CLASP2: variants seen among roughly 807,000 people sequenced by gnomAD.
CLASP2 encodes the protein cytoplasmic linker associated protein 2, also known as CLIP-associating protein 2.
A neutral mutation model predicts 194.4 loss-of-function variants in CLASP2; 47 were observed. That is an observed-to-expected ratio of 0.24 (90% CI 0.19 to 0.31). The LOEUF is 0.31. CLASP2 is among the 10% of genes least tolerant of loss of function. The probability of loss-of-function intolerance (pLI) is 1.00; values close to 1 mark genes in which losing one functional copy is unlikely to be tolerated. For synonymous variants in CLASP2, 619 were observed against 633.5 expected (o/e 0.98, Z 0.34); for missense variants, 1,445 against 1,823.6 (o/e 0.79, Z 3.78).
At chr3:33,601,255 C>T (rs1044070977) in intron 18 of CLASP2, among the ~76,000 whole-genome samples, 7 of 152,132 alleles carry the variant, frequency 4.6e-5, no homozygotes, top group Admixed American at 2.6e-4. Context: ...CCACCGTGCC[C>T]GGCGATAAGG....
intron 2 of CLASP2, among the ~76,000 whole-genome samples, chr3:33,691,379 C>A (rs1017942635): frequency 4.0e-5 from 6 of 151,770 alleles, no homozygotes; most frequent in Admixed American, 2.6e-4. Context: ...AATGTAATAA[C>A]CAAAACTGAT....
chr3:33,709,454 A>G (rs2092892871), intron 1 of CLASP2, among the ~76,000 whole-genome samples: 1 of 152,166 alleles, frequency 6.6e-6, no homozygotes, highest in Non-Finnish European at 1.5e-5. Context: ...AAGGGTCCTT[A>G]TAAGGGGGAA....
chr3:33,521,313 T>C (rs1463314497), intron 34 of CLASP2, among the ~76,000 whole-genome samples: 1 of 152,172 alleles, frequency 6.6e-6, no homozygotes, highest in Non-Finnish European at 1.5e-5. Flanking sequence ...GATAAAACAC[T>C]TAATTACAAA....
At chr3:33,515,662 C>T (rs1337634616) in intron 36 of CLASP2, among the ~76,000 whole-genome samples, 2 of 151,830 alleles carry the variant, frequency 1.3e-5, no homozygotes, top group Non-Finnish European at 2.9e-5. Flanking sequence ...AAACAAACAA[C>T]CCCCCCAAAA....
At chr3:33,517,329 T>G (rs536516510) in intron 34 of CLASP2, among the ~76,000 whole-genome samples, 155 bp from the exon 35 acceptor site, 64 of 152,220 alleles carry the variant, frequency 4.2e-4, no homozygotes, top group Non-Finnish European at 7.6e-4. Flanking sequence ...TCTTTTCAAT[T>G]TTGTCATTCC....
chr3:33,676,582 C>T (rs2088692008), intron 6 of CLASP2, among the ~76,000 whole-genome samples: 1 of 151,778 alleles, frequency 6.6e-6, no homozygotes, highest in Non-Finnish European at 1.5e-5. Context: ...AAACGTTAGA[C>T]CTAAAACCAT....
chr3:33,501,833 G>T lies in CLASP2; in HGVS notation c.4318-65C>A, dbSNP rs2046917054. The T allele has an allele frequency of 7.2e-6, 7 of 975,234 alleles. No homozygotes were observed. In the Admixed American group the frequency reaches 8.9e-5, roughly 12 times the overall value. 60.4% of individuals were successfully genotyped at this position (975,234 alleles called of 1,614,324 possible). On this transcript the variant is annotated intron_variant, in intron 37 of 38. Coordinates refer to ENST00000682230, the MANE Select transcript of CLASP2 (RefSeq NM_001365631.1). ...CACTGTTAGTACTCCCTTTTTAACA[G>T]GGTCAGAAGATGCAGCTGAAAGATG...
At chr3:33,574,615 A>G (rs1399286476) in intron 24 of CLASP2, 1 of 569,618 alleles carries the variant, frequency 1.8e-6, no homozygotes, top group African/African-American at 1.9e-5. Flanking sequence ...TTTTTTTCAC[A>G]CATAGGTACA....
chr3:33,581,682 C>T, intron 23 of CLASP2, 139 bp downstream of exon 23: 1 of 603,060 alleles, frequency 1.7e-6, no homozygotes, highest in Non-Finnish European at 3.0e-6. Flanking sequence ...CATGTAATTT[C>T]CTTTCCTCAA....
intron 11 of CLASP2, among the ~76,000 whole-genome samples, chr3:33,620,175 A>G (rs2076879918): frequency 6.6e-6 from 1 of 152,218 alleles, no homozygotes; most frequent in Non-Finnish European, 1.5e-5. Context: ...ATGCTCCTCA[A>G]GATATTCTTT....
intron 34 of CLASP2, among the ~76,000 whole-genome samples, chr3:33,521,065 GAAC>G (rs2052928961): frequency 6.6e-6 from 1 of 152,046 alleles, no homozygotes; most frequent in Non-Finnish European, 1.5e-5. Context: ...CATGTTAGAA[GAAC>G]AACAAAAGCC....
chr3:33,697,121 A>G (rs1274096893), intron 1 of CLASP2, among the ~76,000 whole-genome samples, 188 bp from the exon 2 acceptor site: 1 of 152,240 alleles, frequency 6.6e-6, no homozygotes, highest in Non-Finnish European at 1.5e-5. Flanking sequence ...CAATAAAAAC[A>G]ACAATAATAA....
intron 1 of CLASP2, among the ~76,000 whole-genome samples, chr3:33,709,514 C>G (rs554971369): frequency 1.1e-4 from 17 of 152,120 alleles, no homozygotes; most frequent in African/African-American, 4.1e-4. Context: ...AAGCCACAGT[C>G]AGAGGAGATT....
intron 7 of CLASP2, chr3:33,659,199 G>C (rs2084864130): frequency 7.3e-7 from 1 of 1,365,384 alleles, no homozygotes; most frequent in African/African-American, 1.5e-5. Flanking sequence ...GAAAACCCTC[G>C]TTTATTTAGC....
intron 23 of CLASP2, among the ~76,000 whole-genome samples, chr3:33,578,093 G>T (rs1415459771): frequency 1.3e-5 from 2 of 152,164 alleles, no homozygotes; most frequent in African/African-American, 2.4e-5. Flanking sequence ...ATACATTTCA[G>T]TATCTATACT....
intron 6 of CLASP2, among the ~76,000 whole-genome samples, chr3:33,664,123 A>G (rs1406490177): frequency 2.6e-5 from 4 of 152,214 alleles, no homozygotes; most frequent in Non-Finnish European, 4.4e-5. Flanking sequence ...ATGTACATTC[A>G]TTATAAAAGA....
chr3:33,660,088 C>T (rs571110028), intron 7 of CLASP2, among the ~76,000 whole-genome samples: 2 of 152,232 alleles, frequency 1.3e-5, no homozygotes, highest in East Asian at 1.9e-4. Context: ...AACACACACT[C>T]GACAAATAAG....
intron 18 of CLASP2, among the ~76,000 whole-genome samples, chr3:33,597,878 G>A (rs1040020225): frequency 1.3e-5 from 2 of 151,394 alleles, no homozygotes; most frequent in Admixed American, 6.6e-5. Context: ...TCAGCCTCCC[G>A]AGTAGCTGGG....
intron 16 of CLASP2, among the ~76,000 whole-genome samples, chr3:33,605,767 C>T (rs1012120476): frequency 3.3e-5 from 5 of 152,182 alleles, no homozygotes; most frequent in African/African-American, 7.2e-5. Context: ...TACAGGCACC[C>T]GCCACCATGC....
Sources: gnomAD v4.1 joint callset for allele counts (sites outside exome capture counted in the v4.1 genomes callset) on GRCh38, gnomAD v4.1.1 for gene constraint, MANE v1.5 for transcripts, NCBI Gene and HGNC (gene_info 2026-07-23, HGNC 2026-07-21) for gene names.